GALNT13: variants seen among roughly 807,000 people sequenced by gnomAD.
GALNT13 encodes polypeptide N-acetylgalactosaminyltransferase 13, also known as UDP-GalNAc:polypeptide N-acetylgalactosaminyltransferase 13.
GALNT13 carries 28 observed loss-of-function variants against 64.2 expected under a neutral mutation model. The ratio of observed to expected loss-of-function variants is 0.44; its 90% CI spans 0.32 to 0.60. The LOEUF (loss-of-function observed/expected upper bound fraction) is 0.60. Ranked by LOEUF, GALNT13 falls within the 20% of genes least tolerant of loss-of-function variation. The probability of loss-of-function intolerance (pLI) is 0.05; values close to 1 mark genes in which losing one functional copy is unlikely to be tolerated. For synonymous variants in GALNT13, 214 were observed against 224.6 expected (o/e 0.95, Z 0.42); for missense variants, 577 against 669.8 (o/e 0.86, Z 1.53).
At chr2:153,991,038 T>G (rs1695124767) in intron 3 of GALNT13, among the ~76,000 whole-genome samples, 1 of 152,198 alleles carries the variant, frequency 6.6e-6, no homozygotes, top group South Asian at 2.1e-4. Context: ...TATGTTCAAC[T>G]GACCTTTGGG....
intron 9 of GALNT13, among the ~76,000 whole-genome samples, chr2:154,327,599 A>G (rs77646924): frequency 0.071 from 10,867 of 152,124 alleles, 475 homozygotes; most frequent in African/African-American, 0.11. Context: ...CTTTAATTTT[A>G]ATAATACATT....
the GALNT13 span, among the ~76,000 whole-genome samples, chr2:153,638,184 A>T: frequency 2.6e-5 from 4 of 152,108 alleles, no homozygotes; most frequent in African/African-American, 7.2e-5. Flanking sequence ...GAGATCAGAG[A>T]TGTAGTGATA....
chr2:153,206,329 T>G, the GALNT13 span, among the ~76,000 whole-genome samples: 1 of 152,088 alleles, frequency 6.6e-6, no homozygotes, highest in East Asian at 1.9e-4. Flanking sequence ...GTTCAGGCCC[T>G]TCTTATTTCA....
chr2:154,222,185 G>T (rs919995716), intron 4 of GALNT13, among the ~76,000 whole-genome samples: 4 of 152,000 alleles, frequency 2.6e-5, no homozygotes, highest in East Asian at 3.9e-4. Flanking sequence ...AAAGCATTGG[G>T]TATTTTGTCT....
intron 1 of GALNT13, among the ~76,000 whole-genome samples, chr2:153,892,777 T>A (rs1266697852): frequency 6.6e-6 from 1 of 152,060 alleles, no homozygotes; most frequent in Non-Finnish European, 1.5e-5. Flanking sequence ...AACTGTTAAT[T>A]CTTTCCATTT....
intron 3 of GALNT13, among the ~76,000 whole-genome samples, chr2:154,098,999 C>T (rs1002484162): frequency 3.3e-5 from 5 of 151,930 alleles, no homozygotes; most frequent in Admixed American, 6.6e-5. Flanking sequence ...ATCTCCATGC[C>T]GTTTCCCATA....
the GALNT13 span, among the ~76,000 whole-genome samples, chr2:153,337,158 G>T: frequency 6.6e-6 from 1 of 152,110 alleles, no homozygotes; most frequent in Non-Finnish European, 1.5e-5. Context: ...GAAATATGTG[G>T]ATAGGAATAA....
the GALNT13 span, among the ~76,000 whole-genome samples, chr2:153,191,532 T>C: frequency 1.3e-5 from 2 of 152,102 alleles, no homozygotes; most frequent in African/African-American, 2.4e-5. Context: ...GTTTTCTTTT[T>C]TAGTCATGTC....
the GALNT13 span, among the ~76,000 whole-genome samples, chr2:153,744,739 G>A: frequency 6.6e-6 from 1 of 152,082 alleles, no homozygotes; most frequent in African/African-American, 2.4e-5. Flanking sequence ...TGTCATATGG[G>A]CCAGATTGAG....
chr2:153,509,662 C>G, the GALNT13 span, among the ~76,000 whole-genome samples: 1 of 152,168 alleles, frequency 6.6e-6, no homozygotes, highest in Non-Finnish European at 1.5e-5. Context: ...ACATTTAACT[C>G]TCTGTGTATG....
chr2:153,635,439 TAC>T, the GALNT13 span, among the ~76,000 whole-genome samples: 2,339 of 145,534 alleles, frequency 0.016, 106 homozygotes, highest in African/African-American at 0.035. Flanking sequence ...TATATATATA[TAC>T]ACACATATAT....
rs151221376 is a variant in GALNT13 at position 154,053,082 on chromosome 2, A to G, written c.143-87255A>G. ...GGTTATCACTTTTTCCTTTAGATAAATCTTAAAAAACTTCCCACAGCTGAT... is the reference window on the plus strand; with the variant it reads ...GGTTATCACTTTTTCCTTTAGATAAGTCTTAAAAAACTTCCCACAGCTGAT... On this transcript the variant is annotated intron_variant, in intron 3 of 12. Coordinates refer to ENST00000392825, the MANE Select transcript of GALNT13 (RefSeq NM_052917.4). Among the ~76,000 whole-genome samples, 708 of 152,184 alleles carry G rather than the reference A, an allele frequency of 4.7e-3. 2 individuals carry two copies. The highest frequency in any genetic ancestry group is 0.012 in the South Asian group (57 of 4,822).
intron 9 of GALNT13, among the ~76,000 whole-genome samples, chr2:154,384,962 C>A (rs1334512994): frequency 6.6e-6 from 1 of 151,936 alleles, no homozygotes; most frequent in East Asian, 1.9e-4. Context: ...ACTGAAACTG[C>A]AGTTGGCTAC....
At chr2:153,124,930 G>C in the GALNT13 span, among the ~76,000 whole-genome samples, 1 of 152,126 alleles carries the variant, frequency 6.6e-6, no homozygotes, top group Non-Finnish European at 1.5e-5. Flanking sequence ...CTCAGTTAGA[G>C]GTCATTCTGT....
intron 3 of GALNT13, among the ~76,000 whole-genome samples, chr2:154,049,324 T>C: frequency 6.7e-6 from 1 of 149,560 alleles, no homozygotes; most frequent in East Asian, 1.9e-4. Context: ...TAAATACTGT[T>C]TTATAATTAT....
chr2:153,574,240 T>C, the GALNT13 span, among the ~76,000 whole-genome samples: 2,436 of 152,074 alleles, frequency 0.016, 82 homozygotes, highest in African/African-American at 0.056. Context: ...ATCCGTTATA[T>C]GTTATTTATT....
chr2:153,409,090 G>A, the GALNT13 span, among the ~76,000 whole-genome samples: 2 of 151,942 alleles, frequency 1.3e-5, no homozygotes, highest in African/African-American at 2.4e-5. Context: ...GTTTACTAGG[G>A]GCCCTTGGGC....
chr2:153,648,063 G>T, the GALNT13 span, among the ~76,000 whole-genome samples: 1 of 152,108 alleles, frequency 6.6e-6, no homozygotes. Flanking sequence ...GGGAGCTATG[G>T]CCATTTTCAC....
At chr2:153,082,646 C>T in the GALNT13 span, among the ~76,000 whole-genome samples, 9 of 93,804 alleles carry the variant, frequency 9.6e-5, no homozygotes, top group African/African-American at 2.4e-4. Flanking sequence ...CACACACACA[C>T]ACACACACAC....
Sources: gnomAD v4.1 joint callset for allele counts (sites outside exome capture counted in the v4.1 genomes callset) on GRCh38, gnomAD v4.1.1 for gene constraint, MANE v1.5 for transcripts, NCBI Gene and HGNC (gene_info 2026-07-23, HGNC 2026-07-21) for gene names.